ASCC2: variants seen among roughly 807,000 people sequenced by gnomAD.
ASCC2 encodes ASC-1 complex subunit P100.
A neutral mutation model predicts 93.5 loss-of-function variants in ASCC2; 42 were observed. The observed-to-expected ratio is 0.45, with a 90% confidence interval of 0.35 to 0.58. ASCC2 has a LOEUF of 0.58. Among genes scored for constraint, ASCC2 ranks in the 20% least tolerant of loss-of-function variants. The probability of loss-of-function intolerance (pLI) is 0.00; values close to 1 mark genes in which losing one functional copy is unlikely to be tolerated. For missense variants in ASCC2, 859 were observed against 977.6 expected, an observed-to-expected ratio of 0.88 and a Z score of 1.62; for synonymous variants, 364 against 384.2, an observed-to-expected ratio of 0.95 and a Z score of 0.62.
chr22:29,799,209 G>A (rs768313671), intron 15 of ASCC2: 5 of 152,280 alleles, frequency 3.3e-5, no homozygotes, highest in Non-Finnish European at 5.9e-5. Context: ...CAGGCTTCCT[G>A]GATTGGAGCA....
intron 6 of ASCC2, 134 bp from the exon 7 acceptor site, chr22:29,814,901 G>C: frequency 1.5e-6 from 1 of 671,268 alleles, no homozygotes; most frequent in Non-Finnish European, 2.5e-6. Context: ...CAGGATATAA[G>C]CTGAGACAAT....
At chr22:29,822,109 C>T (rs1437788125) in intron 5 of ASCC2, 1 of 547,952 alleles carries the variant, frequency 1.8e-6, no homozygotes, top group East Asian at 3.7e-5. Flanking sequence ...ATTTCCAGAT[C>T]CCTGGGGAAC....
intron 4 of ASCC2, 116 bp downstream of exon 4, chr22:29,824,971 G>C: frequency 9.8e-7 from 1 of 1,024,518 alleles, no homozygotes. Context: ...AATAAAGATG[G>C]AAGAGAGACA....
Position 29,821,601 on chromosome 22 carries a change from C to A in ASCC2, c.541+734G>T, listed in dbSNP as rs188207703. On this transcript the variant is annotated intron_variant, in intron 5 of 19. Transcript: ENST00000307790. The stretch of plus-strand genomic sequence containing the variant: ...CAGAATGCCAGGTCCCCGGAACACT[C>A]TCCAATAAAGGTTAGCTTAGTTATC... Among the ~76,000 whole-genome samples the A allele has an allele frequency of 2.0e-5, 3 of 152,368 alleles. No individual in the cohort carries two copies. In the East Asian group the frequency reaches 5.8e-4, roughly 29 times the overall value.
rs184406737 is a variant in ASCC2 at position 29,823,584 on chromosome 22, G to T, written c.412-1120C>A. Reference sequence around the variant, plus strand: ...TATTTGTGGCCAGGCGCGATGGCTCGCGCCGGTAATCTCAGCACTTTGGGA... The same window carrying T: ...TATTTGTGGCCAGGCGCGATGGCTCTCGCCGGTAATCTCAGCACTTTGGGA... On this transcript the variant is annotated intron_variant, in intron 4 of 19. Transcript: ENST00000307790. 1.5e-3 allele frequency among the ~76,000 whole-genome samples: 221 copies of T among 152,218 alleles called. 1 individual carries two copies. The highest frequency in any genetic ancestry group is 5.1e-3 in the African/African-American group (214 of 41,562).
At position 29,832,259 on chromosome 22, in the gene ASCC2, T is replaced by A; in HGVS notation, c.67A>T (p.Thr23Ser). Residue 23 changes from threonine to serine, a missense_variant, in exon 2 of 20, where the codon ACT becomes TCT. Thr to Ser is a moderately conservative substitution (Grantham distance 58). Transcript: ENST00000307790. ...GACCGGCTCACCAGCGCTGGTGAAG[T>A]CCTCAGCTTTCCTGTCTTCGGGTCC... ...HKDPKTGKLRTSPALHPEQKA... is the reference protein window; with the variant it reads ...HKDPKTGKLRSSPALHPEQKA... 1 of 1,613,736 alleles carries A rather than the reference T, an allele frequency of 6.2e-7. No homozygotes were observed. Among genetic ancestry groups the A allele is most frequent in the East Asian group, 2.2e-5 (1 of 44,870 alleles).
At chr22:29,800,270 C>G (rs1372708501) in intron 15 of ASCC2, among the ~76,000 whole-genome samples, 1 of 152,180 alleles carries the variant, frequency 6.6e-6, no homozygotes, top group Non-Finnish European at 1.5e-5. Flanking sequence ...CTCAGAGGAG[C>G]CTTCTTGACT....
chr22:29,793,319 A>G (rs1198945548), intron 17 of ASCC2, 41 bp downstream of exon 17: 2 of 1,609,246 alleles, frequency 1.2e-6, no homozygotes, highest in Admixed American at 3.3e-5. Context: ...TGGGCCTGAG[A>G]GCTGCTCTGC....
chr22:29,804,944 A>C, intron 12 of ASCC2, 114 bp from the exon 13 acceptor site: 1 of 1,222,096 alleles, frequency 8.2e-7, no homozygotes, highest in Non-Finnish European at 1.2e-6. Context: ...TTTCTGGGCT[A>C]TATCTAAGTG....
intron 15 of ASCC2, among the ~76,000 whole-genome samples, chr22:29,799,612 G>A (rs1267143377): frequency 1.3e-5 from 2 of 152,218 alleles, no homozygotes; most frequent in East Asian, 3.8e-4. Context: ...TCACGTGATG[G>A]TGAAAGAGCA....
chr22:29,813,666 G>A (rs1053710827), intron 7 of ASCC2, 124 bp from the exon 8 acceptor site: 4 of 673,702 alleles, frequency 5.9e-6, no homozygotes, highest in Non-Finnish European at 1.0e-5. Flanking sequence ...AGGAGGAAAA[G>A]AACACTGGAG....
At chr22:29,817,828 C>T (rs1289024860) in intron 5 of ASCC2, among the ~76,000 whole-genome samples, 1 of 152,116 alleles carries the variant, frequency 6.6e-6, no homozygotes, top group East Asian at 1.9e-4. Context: ...TAAGGAATAG[C>T]AATGGCATCC....
At chr22:29,801,150 C>A in intron 14 of ASCC2, 40 bp from the exon 15 acceptor site, 2 of 1,560,412 alleles carry the variant, frequency 1.3e-6, no homozygotes, top group Non-Finnish European at 1.7e-6. Context: ...GGGGGCCCTG[C>A]CAGCTGATGC....
intron 5 of ASCC2, among the ~76,000 whole-genome samples, chr22:29,818,403 T>TACACACACACACACACAC (rs35685093): frequency 9.3e-6 from 1 of 108,030 alleles, no homozygotes; most frequent in Non-Finnish European, 1.9e-5. Context: ...ACTCCCTGCC[T>TACACACACACACACACAC]ACACACACAC....
intron 1 of ASCC2, among the ~76,000 whole-genome samples, chr22:29,835,020 CAGG>C (rs1321686207): frequency 6.6e-6 from 1 of 151,970 alleles, no homozygotes; most frequent in East Asian, 1.9e-4. Context: ...GAGAAAAAGT[CAGG>C]AGGAGGAGGC....
At position 29,832,315 on chromosome 22, in the gene ASCC2, A is replaced by G. The variant is rs1371984452; in HGVS notation, c.11T>C (p.Leu4Pro). The G allele has an allele frequency of 6.2e-7, 1 of 1,613,784 alleles. No homozygotes were observed. The highest frequency in any genetic ancestry group is 8.5e-7 in the Non-Finnish European group (1 of 1,179,834). MPA[L>P]PLDQLQITHK... is the part of the protein sequence containing the mutation. ...GGTGATCTGGAGTTGGTCCAGGGGC[A>G]GAGCTGGCATTGTGCTGCGTGACCC... The change falls in exon 2 of 20, where the codon CTG becomes CCG. Residue 4 changes from leucine (L) to proline (P), a missense_variant. By Grantham distance (98) the Leu-to-Pro change is moderately conservative. Transcript: ENST00000307790.
At chr22:29,818,187 C>G (rs1276475983) in intron 5 of ASCC2, among the ~76,000 whole-genome samples, 1 of 151,874 alleles carries the variant, frequency 6.6e-6, no homozygotes, top group Non-Finnish European at 1.5e-5. Flanking sequence ...CCTTCTTTCA[C>G]TTGTCAATCC....
chr22:29,837,695 C>G (rs903428297), intron 1 of ASCC2, among the ~76,000 whole-genome samples: 5 of 152,182 alleles, frequency 3.3e-5, no homozygotes, highest in African/African-American at 1.2e-4. Flanking sequence ...CCTCAGAGAC[C>G]TTCTGATGGC....
intron 18 of ASCC2, among the ~76,000 whole-genome samples, chr22:29,790,885 G>C (rs530703089): frequency 3.0e-4 from 45 of 152,318 alleles, no homozygotes; most frequent in African/African-American, 9.9e-4. Flanking sequence ...GAGAGGCTGT[G>C]CAGGGCCCTG....
Sources: gnomAD v4.1 joint callset for allele counts (sites outside exome capture counted in the v4.1 genomes callset) on GRCh38, gnomAD v4.1.1 for gene constraint, MANE v1.5 for transcripts, NCBI Gene and HGNC (gene_info 2026-07-23, HGNC 2026-07-21) for gene names.